Variants in SLC9C1 observed in about 807,000 individuals in gnomAD.
The protein encoded by SLC9C1 is sodium/hydrogen exchanger 10.
A neutral mutation model predicts 140.9 loss-of-function variants in SLC9C1; 97 were observed. That is an observed-to-expected ratio of 0.69 (90% CI 0.58 to 0.82). The LOEUF (loss-of-function observed/expected upper bound fraction) is 0.82. Ranked by LOEUF, SLC9C1 falls within the 40% of genes least tolerant of loss-of-function variation. The pLI is 0.00. For synonymous variants in SLC9C1, 440 were observed against 442.6 expected, an observed-to-expected ratio of 0.99 and a Z score of 0.07; for missense variants, 1,340 against 1,389.3, an observed-to-expected ratio of 0.96 and a Z score of 0.56.
At chr3:112,153,534 G>T (rs1476801093) in intron 27 of SLC9C1, among the ~76,000 whole-genome samples, 1 of 152,138 alleles carries the variant, frequency 6.6e-6, no homozygotes, top group African/African-American at 2.4e-5. Context: ...GTTTTTTAGA[G>T]AATATGAGAA....
intron 2 of SLC9C1, among the ~76,000 whole-genome samples, chr3:112,281,493 G>A (rs1241442573): frequency 6.6e-6 from 1 of 152,138 alleles, no homozygotes; most frequent in African/African-American, 2.4e-5. Flanking sequence ...AGGATACACC[G>A]ATTTTTAATT....
chr3:112,181,537 A>G (rs2077438752), intron 21 of SLC9C1, among the ~76,000 whole-genome samples: 1 of 152,226 alleles, frequency 6.6e-6, no homozygotes, highest in Admixed American at 6.5e-5. Context: ...GCAAAGTGCT[A>G]GGGGCTGGGT....
In SLC9C1 at chr3:112,169,317, A is replaced by T. The variant is rs751367471; in HGVS notation, c.2931T>A (p.Ile977=). The T allele has an allele frequency of 8.1e-6, 13 of 1,607,812 alleles. No homozygotes were observed. Among genetic ancestry groups the T allele is most frequent in the African/African-American group, 2.7e-5 (2 of 74,762 alleles). ...AAGCATCATACAAGTGAGTTTTGGGAATAAAACATGTCTGGAAAAGAAGGA... is the reference window on the plus strand; with the variant it reads ...AAGCATCATACAAGTGAGTTTTGGGTATAAAACATGTCTGGAAAAGAAGGA... The part of the protein sequence containing the change: ...TCKTVVETCF[I]PKTHLYDAFE... Residue 977 remains isoleucine (I), a synonymous_variant, in exon 24 of 29, where the codon ATT becomes ATA. Transcript: ENST00000305815.
intron 28 of SLC9C1, among the ~76,000 whole-genome samples, chr3:112,143,098 G>A (rs991139024): frequency 1.3e-5 from 2 of 152,128 alleles, no homozygotes; most frequent in Non-Finnish European, 2.9e-5. Flanking sequence ...GTATTTCATG[G>A]CATATATGTA....
At chr3:112,239,201 C>T (rs2079073520) in intron 12 of SLC9C1, among the ~76,000 whole-genome samples, 1 of 152,222 alleles carries the variant, frequency 6.6e-6, no homozygotes, top group African/African-American at 2.4e-5. Flanking sequence ...AGTTTGATCT[C>T]AGACTGCTAT....
At chr3:112,163,119 C>A (rs1225440801) in intron 26 of SLC9C1, among the ~76,000 whole-genome samples, 8 of 131,394 alleles carry the variant, frequency 6.1e-5, no homozygotes, top group Admixed American at 2.3e-4. Context: ...GTGGTGATAT[C>A]CCCTTTATCA....
At chr3:112,232,830 A>C (rs1272184472) in intron 12 of SLC9C1, among the ~76,000 whole-genome samples, 1 of 152,006 alleles carries the variant, frequency 6.6e-6, no homozygotes, top group Non-Finnish European at 1.5e-5. Context: ...ATCTTAAAGC[A>C]TATCTCAGAA....
rs752414698 is a variant in SLC9C1, at chr3:112,169,217, T to C, written c.3031A>G (p.Arg1011Gly). ...LGLAITARKI[R>G]EHLSYEDWNY... ...CCTACCTCATAAGATAAGTGTTCTC[T>C]GATTTTTCTGGCTGTAATAGCGAGT... Residue 1011 changes from arginine (R) to glycine (G), a missense_variant, in exon 24 of 29, where the codon AGA becomes GGA. Physicochemically the swap from Arg to Gly is moderately radical, Grantham distance 125. Transcript: ENST00000305815. 22 of 1,613,048 alleles carry C rather than the reference T, an allele frequency of 1.4e-5. No individual in the cohort carries two copies. The Middle Eastern group carries it at 4.9e-4, about 36-fold the overall frequency.
chr3:112,206,989 TATA>T (rs1214623525), intron 16 of SLC9C1, among the ~76,000 whole-genome samples: 5 of 152,028 alleles, frequency 3.3e-5, no homozygotes, highest in African/African-American at 9.6e-5. Context: ...GAACTTAAAG[TATA>T]ATAATAATAA....
intron 26 of SLC9C1, among the ~76,000 whole-genome samples, chr3:112,166,851 T>C (rs1050965132): frequency 1.3e-5 from 2 of 152,160 alleles, no homozygotes; most frequent in African/African-American, 4.8e-5. Flanking sequence ...AGAATAGGCT[T>C]TATATCAAAA....
intron 20 of SLC9C1, among the ~76,000 whole-genome samples, chr3:112,191,287 T>C (rs1034737288): frequency 6.6e-6 from 1 of 152,130 alleles, no homozygotes; most frequent in Non-Finnish European, 1.5e-5. Context: ...TCTCTCTGAT[T>C]TTTCAACTTT....
chr3:112,226,487 T>G (rs1320409506), intron 13 of SLC9C1, among the ~76,000 whole-genome samples: 1 of 152,076 alleles, frequency 6.6e-6, no homozygotes. Context: ...TTTCGGAGGC[T>G]GAGGTGTGCA....
At chr3:112,217,849 A>G (rs184548371) in intron 14 of SLC9C1, among the ~76,000 whole-genome samples, 89 of 152,316 alleles carry the variant, frequency 5.8e-4, no homozygotes, top group Admixed American at 2.3e-3. Context: ...AATATTTGGG[A>G]TTCAGACATC....
intron 23 of SLC9C1, among the ~76,000 whole-genome samples, chr3:112,176,825 G>A (rs1386601659): frequency 6.6e-6 from 1 of 152,044 alleles, no homozygotes; most frequent in African/African-American, 2.4e-5. Context: ...TGCTGTCAGG[G>A]CTTGCTCCAA....
chr3:112,170,185 TA>T (rs2077220146), intron 23 of SLC9C1, among the ~76,000 whole-genome samples: 1 of 152,008 alleles, frequency 6.6e-6, no homozygotes, highest in African/African-American at 2.4e-5. Flanking sequence ...CAAAAATAAA[TA>T]AATAATCAAG....
intron 28 of SLC9C1, among the ~76,000 whole-genome samples, chr3:112,146,088 T>A (rs1015103145): frequency 6.6e-6 from 1 of 152,162 alleles, no homozygotes; most frequent in Non-Finnish European, 1.5e-5. Flanking sequence ...TTCTTCTACA[T>A]TTTCTAGTTT....
intron 6 of SLC9C1, among the ~76,000 whole-genome samples, chr3:112,272,555 A>T (rs942777239): frequency 1.3e-5 from 2 of 152,228 alleles, no homozygotes; most frequent in African/African-American, 4.8e-5. Flanking sequence ...AAAGCTTATT[A>T]TCTTTATTTC....
At chr3:112,200,894 G>A (rs966360094) in intron 18 of SLC9C1, 132 bp from the exon 19 acceptor site, 1 of 763,566 alleles carries the variant, frequency 1.3e-6, no homozygotes, top group Admixed American at 3.2e-5. Flanking sequence ...GTTTTCAGGG[G>A]TTCGAATTGA....
rs762201664 is a variant in SLC9C1 at position 112,231,511 on chromosome 3, C to T, written c.1447-25G>A. The T allele has an allele frequency of 1.0e-5, 16 of 1,570,364 alleles. 2 individuals are homozygous for T. Among genetic ancestry groups the T allele is most frequent in the Non-Finnish European group, 6.9e-6 (8 of 1,156,670 alleles). On this transcript the variant is annotated intron_variant, in intron 12 of 28. Coordinates refer to ENST00000305815, the MANE Select transcript of SLC9C1 (RefSeq NM_183061.3). ...ACTAAATAAAACATAAATAAAAGAA[C>T]AAAAAATACATGAATATTAACATAT...
Sources: gnomAD v4.1 joint callset for allele counts (sites outside exome capture counted in the v4.1 genomes callset) on GRCh38, gnomAD v4.1.1 for gene constraint, MANE v1.5 for transcripts, NCBI Gene and HGNC (gene_info 2026-07-23, HGNC 2026-07-21) for gene names.